Variants in ZNF566 observed in about 807,000 individuals in gnomAD.
ZNF566 encodes the protein zinc finger protein 566.
A neutral mutation model predicts 32.8 loss-of-function variants in ZNF566; 27 were observed. That is an observed-to-expected ratio of 0.82 (90% CI 0.61 to 1.14). The LOEUF is 1.14. ZNF566 is among the 50% of genes most tolerant of loss of function. The pLI is 0.00. For synonymous variants in ZNF566, 154 were observed against 159.5 expected, an observed-to-expected ratio of 0.97 and a Z score of 0.26; for missense variants, 402 against 490.4, an observed-to-expected ratio of 0.82 and a Z score of 1.70.
intron 4 of ZNF566, among the ~76,000 whole-genome samples, chr19:36,471,753 T>A (rs1236467305): frequency 6.6e-6 from 1 of 152,062 alleles, no homozygotes; most frequent in Non-Finnish European, 1.5e-5. Context: ...GTTCTTTTTT[T>A]TCTTTTTTTG....
At chr19:36,460,159 C>T (rs1489962917) in intron 4 of ZNF566, among the ~76,000 whole-genome samples, 1 of 151,884 alleles carries the variant, frequency 6.6e-6, no homozygotes, top group African/African-American at 2.4e-5. Flanking sequence ...ATTCAGAATG[C>T]CTTAGGATAC....
At position 36,447,662 on chromosome 19, in the gene ZNF566, T is replaced by C. The variant is rs1472066946; in HGVS notation, c.*1315A>G. 6.6e-6 allele frequency: 1 copy of C among 152,170 alleles called. No homozygotes were observed. Among genetic ancestry groups the C allele is most frequent in the East Asian group, 1.9e-4 (1 of 5,202 alleles). The allele number at this position is 152,170 out of a possible 1,614,324, so 9.4% of individuals were successfully genotyped here. ...CTCATTAGTGCACCAATATTTTGCT[T>C]ATGTTCTCTTTTCTTTTTTACTGGG... On this transcript the variant is annotated 3_prime_UTR_variant, in exon 5 of 5. Transcript: ENST00000452939.
intron 1 of ZNF566, among the ~76,000 whole-genome samples, chr19:36,483,873 C>G (rs1286803211): frequency 6.6e-6 from 1 of 151,862 alleles, no homozygotes; most frequent in Non-Finnish European, 1.5e-5. Flanking sequence ...GGTGGAGAAA[C>G]AGCTCAACTG....
intron 4 of ZNF566, among the ~76,000 whole-genome samples, chr19:36,450,814 C>T (rs1167377717): frequency 1.3e-5 from 2 of 152,124 alleles, no homozygotes; most frequent in Non-Finnish European, 2.9e-5. Context: ...ATACTTGTTA[C>T]GTATTGTCTA....
chr19:36,465,483 C>CTTTTTTTTTTTTTTTTTTT (rs35816698), intron 4 of ZNF566, among the ~76,000 whole-genome samples: 1 of 150,170 alleles, frequency 6.7e-6, no homozygotes, highest in East Asian at 2.0e-4. Context: ...TTTATAAATA[C>CTTTTTTTTTTTTTTTTTTT]TTTTTTTTTT....
intron 2 of ZNF566, among the ~76,000 whole-genome samples, chr19:36,474,829 A>G (rs1457645835): frequency 1.3e-5 from 2 of 152,216 alleles, no homozygotes; most frequent in Non-Finnish European, 2.9e-5. Flanking sequence ...AATGCTATTC[A>G]TATGTTTCTC....
At chr19:36,464,647 T>C (rs574674143) in intron 4 of ZNF566, among the ~76,000 whole-genome samples, 5 of 152,232 alleles carry the variant, frequency 3.3e-5, no homozygotes, top group Non-Finnish European at 7.4e-5. Flanking sequence ...CCGGGAGTGA[T>C]GGCATGCGCC....
intron 4 of ZNF566, among the ~76,000 whole-genome samples, chr19:36,458,787 G>A (rs528085448): frequency 6.6e-6 from 1 of 152,308 alleles, no homozygotes; most frequent in South Asian, 2.1e-4. Flanking sequence ...TAATTGGCTT[G>A]ATTATGGTAA....
chr19:36,472,506 G>A (rs1004742935), intron 4 of ZNF566, among the ~76,000 whole-genome samples: 1 of 152,126 alleles, frequency 6.6e-6, no homozygotes, highest in African/African-American at 2.4e-5. Flanking sequence ...ATCAATGAGG[G>A]CATAAACCCC....
At chr19:36,458,810 G>A (rs1440832406) in intron 4 of ZNF566, among the ~76,000 whole-genome samples, 1 of 152,188 alleles carries the variant, frequency 6.6e-6, no homozygotes, top group African/African-American at 2.4e-5. Flanking sequence ...ATTTCACAAT[G>A]TATACACATA....
intron 2 of ZNF566, 106 bp downstream of exon 2, chr19:36,476,443 G>T (rs951064083): frequency 1.1e-6 from 1 of 918,372 alleles, no homozygotes; most frequent in Non-Finnish European, 1.6e-6. Flanking sequence ...TTTTTGAAAG[G>T]TGTTGTTTTT....
chr19:36,481,973 G>C (rs1233445601), intron 1 of ZNF566, among the ~76,000 whole-genome samples: 1 of 152,160 alleles, frequency 6.6e-6, no homozygotes, highest in African/African-American at 2.4e-5. Context: ...AGTGCCTAGA[G>C]AATGCTATCT....
In ZNF566 at chr19:36,447,782, G is replaced by C. The variant is rs2033033439; in HGVS notation, c.*1195C>G. Reference sequence around the variant, plus strand: ...CCCCCAACACCTAGGATTATTTCATGTTCAATAGTAAGTACATGATGATGG... The same window carrying C: ...CCCCCAACACCTAGGATTATTTCATCTTCAATAGTAAGTACATGATGATGG... On this transcript the variant is annotated 3_prime_UTR_variant, in exon 5 of 5. Transcript: ENST00000452939. 6.6e-6 allele frequency: 1 copy of C among 152,066 alleles called. No individual in the cohort carries two copies. The highest frequency in any genetic ancestry group is 1.5e-5 in the Non-Finnish European group (1 of 68,018). 9.4% of individuals were successfully genotyped at this position (152,066 alleles called of 1,614,324 possible).
At chr19:36,462,436 G>A (rs561045352) in intron 4 of ZNF566, among the ~76,000 whole-genome samples, 1 of 152,036 alleles carries the variant, frequency 6.6e-6, no homozygotes, top group African/African-American at 2.4e-5. Context: ...CCTCTGCTAT[G>A]TATTTTCTGC....
chr19:36,484,587 C>CTTT lies in ZNF566; in HGVS notation c.-60+4896_-60+4898dup, dbSNP rs34052223. On this transcript the variant is annotated intron_variant, in intron 1 of 4. Coordinates refer to ENST00000452939, the MANE Select transcript of ZNF566 (RefSeq NM_001145344.1). Reference sequence around the variant, plus strand: ...GAGAAATAGGATTTTGGCATAGTTTCTTTTTTTTTTTTTTTTTTTTGAGAT... The same window carrying CTTT: ...GAGAAATAGGATTTTGGCATAGTTTCTTTTTTTTTTTTTTTTTTTTTTTGAGAT... Among the ~76,000 whole-genome samples the CTTT allele has an allele frequency of 4.2e-3, 466 of 111,880 alleles. 11 individuals are homozygous for CTTT. Among genetic ancestry groups the CTTT allele is most frequent in the African/African-American group, 8.6e-3 (250 of 29,076 alleles). The allele number at this position is 111,880 out of a possible 152,430, so 73.4% of individuals were successfully genotyped here. A position where few individuals can be genotyped will look rare whatever the true frequency, so the allele number is the denominator to read the frequency against.
intron 4 of ZNF566, among the ~76,000 whole-genome samples, chr19:36,455,907 T>C (rs1289301354): frequency 2.7e-5 from 4 of 150,784 alleles, no homozygotes; most frequent in African/African-American, 2.4e-5. Flanking sequence ...GGCATGGTGG[T>C]GGGCGCCTAT....
chr19:36,485,568 C>T (rs2034140903), intron 1 of ZNF566, among the ~76,000 whole-genome samples: 2 of 151,896 alleles, frequency 1.3e-5, no homozygotes, highest in Admixed American at 6.6e-5. Flanking sequence ...TCGAGACCAG[C>T]CTGGCCAACA....
chr19:36,470,656 A>C (rs1480646931), intron 4 of ZNF566, among the ~76,000 whole-genome samples: 5 of 152,200 alleles, frequency 3.3e-5, no homozygotes, highest in Admixed American at 2.6e-4. Flanking sequence ...CACACCTGTT[A>C]TCCCAGCACG....
chr19:36,477,308 C>T (rs1292943634), intron 1 of ZNF566, among the ~76,000 whole-genome samples: 2 of 152,028 alleles, frequency 1.3e-5, no homozygotes, highest in Non-Finnish European at 2.9e-5. Flanking sequence ...CCGCGCCTGG[C>T]CATAACTTTA....
Sources: gnomAD v4.1 joint callset for allele counts (sites outside exome capture counted in the v4.1 genomes callset) on GRCh38, gnomAD v4.1.1 for gene constraint, MANE v1.5 for transcripts, NCBI Gene and HGNC (gene_info 2026-07-23, HGNC 2026-07-21) for gene names.